The following SDK1 variants were observed in gnomAD, a reference collection of about 807,000 sequenced individuals.
SDK1 encodes sidekick cell adhesion molecule 1.
In SDK1, 157 loss-of-function variants were observed where a neutral mutation model predicts 245.5. The ratio of observed to expected loss-of-function variants is 0.64; its 90% CI spans 0.56 to 0.73. The LOEUF (loss-of-function observed/expected upper bound fraction) is 0.73, where lower values mean the gene tolerates loss of function less well. Among genes scored for constraint, SDK1 ranks in the 30% least tolerant of loss-of-function variants. SDK1 has a pLI of 0.00. For missense variants in SDK1, 3,583 were observed against 3,002.3 expected, an observed-to-expected ratio of 1.19 and a Z score of -4.52; for synonymous variants, 1,647 against 1,278.5, an observed-to-expected ratio of 1.29 and a Z score of -6.15.
chr7:4,137,494 A>C (rs1330755224), intron 28 of SDK1, among the ~76,000 whole-genome samples: 1 of 152,158 alleles, frequency 6.6e-6, no homozygotes, highest in Non-Finnish European at 1.5e-5. Flanking sequence ...CCCGTGGCGC[A>C]GTCCCTTTCT....
At chr7:4,075,294 G>T (rs1347235824) in intron 20 of SDK1, among the ~76,000 whole-genome samples, 1 of 152,140 alleles carries the variant, frequency 6.6e-6, no homozygotes, top group Non-Finnish European at 1.5e-5. Flanking sequence ...GGCTGTACGG[G>T]GCCTGTGGCA....
intron 17 of SDK1, among the ~76,000 whole-genome samples, chr7:4,039,502 A>G (rs1412245027): frequency 6.6e-6 from 1 of 152,206 alleles, no homozygotes; most frequent in Non-Finnish European, 1.5e-5. Flanking sequence ...AGAATGTTTC[A>G]AAATAAATCA....
chr7:3,616,534 G>C (rs574690280), intron 1 of SDK1, among the ~76,000 whole-genome samples: 1 of 152,238 alleles, frequency 6.6e-6, no homozygotes, highest in African/African-American at 2.4e-5. Context: ...CAACACTTTT[G>C]TTCTCAGCTC....
chr7:3,759,119 C>G (rs1237909877), intron 4 of SDK1, among the ~76,000 whole-genome samples: 1 of 152,180 alleles, frequency 6.6e-6, no homozygotes, highest in Non-Finnish European at 1.5e-5. Context: ...AATTTACCAA[C>G]CAAAATACAG....
chr7:3,677,318 T>A lies in SDK1; in HGVS notation c.713+35213T>A, dbSNP rs186475807. On this transcript the variant is annotated intron_variant, in intron 4 of 44. Coordinates refer to ENST00000404826, the MANE Select transcript of SDK1 (RefSeq NM_152744.4). ...TGTTAATATTGTTGTATTAGTCTGT[T>A]CTAACACTGCTAGTAAAGACATACC... Among the ~76,000 whole-genome samples, 3 of 152,342 alleles carry A rather than the reference T, an allele frequency of 2.0e-5. No individual in the cohort carries two copies. In the East Asian group the frequency reaches 5.8e-4, roughly 29 times the overall value.
chr7:3,523,023 TA>T (rs1782995867), intron 1 of SDK1, among the ~76,000 whole-genome samples: 1 of 33,866 alleles, frequency 3.0e-5, no homozygotes, highest in Admixed American at 3.8e-4. Context: ...TACAAAATCG[TA>T]AATTGGTAAA....
At chr7:4,051,169 GTATATATTATACA>G (rs1789444636) in intron 18 of SDK1, among the ~76,000 whole-genome samples, 1 of 135,436 alleles carries the variant, frequency 7.4e-6, no homozygotes, top group African/African-American at 2.8e-5. Context: ...TAGTATATAT[GTATATATTATACA>G]TTATATATGT....
At chr7:3,612,423 G>A (rs1266334549) in intron 1 of SDK1, among the ~76,000 whole-genome samples, 6 of 152,066 alleles carry the variant, frequency 3.9e-5, no homozygotes, top group Non-Finnish European at 8.8e-5. Flanking sequence ...TATGAAGAAA[G>A]CACATTGCAC....
chr7:3,820,107 A>G (rs369473258), intron 4 of SDK1, among the ~76,000 whole-genome samples: 1 of 152,160 alleles, frequency 6.6e-6, no homozygotes, highest in Non-Finnish European at 1.5e-5. Context: ...CTTACCTTCT[A>G]TGCCAAATTC....
intron 1 of SDK1, among the ~76,000 whole-genome samples, chr7:3,531,666 A>G (rs887697959): frequency 6.6e-6 from 1 of 152,174 alleles, no homozygotes; most frequent in Non-Finnish European, 1.5e-5. Flanking sequence ...AGTGTAGGTT[A>G]TTGATTCCAT....
chr7:3,437,953 C>G (rs543433438), intron 1 of SDK1, among the ~76,000 whole-genome samples: 1 of 152,220 alleles, frequency 6.6e-6, no homozygotes, highest in South Asian at 2.1e-4. Context: ...GTGTATGAGC[C>G]TTGGCAGTTT....
intron 1 of SDK1, among the ~76,000 whole-genome samples, chr7:3,607,772 A>G (rs1282877106): frequency 1.3e-5 from 2 of 152,202 alleles, no homozygotes; most frequent in African/African-American, 2.4e-5. Context: ...GGAAGATGCA[A>G]TTTCATTCTG....
chr7:3,614,391 A>G (rs140332938), intron 1 of SDK1, among the ~76,000 whole-genome samples: 14 of 152,310 alleles, frequency 9.2e-5, no homozygotes, highest in East Asian at 1.9e-4. Flanking sequence ...GGGAATGTCT[A>G]TTATTATTTG....
rs2128133026 is a variant in SDK1, at chr7:3,971,539, T to A, written c.1788T>A (p.Gly596=). 6.2e-7 allele frequency: 1 copy of A among 1,613,384 alleles called. No individual in the cohort carries two copies. Among genetic ancestry groups the A allele is most frequent in the South Asian group, 1.1e-5 (1 of 90,852 alleles). ...IKGTTATLHC[G]ATHDPRVSLR... is the part of the protein sequence containing the mutation. ...GGACCACGGCCACGCTGCACTGTGG[T>A]GCCACACATGACCCCCGGGTTTCAC... The change falls in exon 12 of 45, where the codon GGT becomes GGA. Residue 596 remains glycine (G), a synonymous_variant. Transcript: ENST00000404826.
chr7:3,808,722 C>G (rs534245538), intron 4 of SDK1, among the ~76,000 whole-genome samples: 4 of 152,284 alleles, frequency 2.6e-5, no homozygotes, highest in African/African-American at 9.6e-5. Flanking sequence ...TTTCCCTGTA[C>G]TTGTTTTCCA....
intron 3 of SDK1, 83 bp from the exon 4 acceptor site, chr7:3,641,875 A>T: frequency 8.7e-7 from 1 of 1,150,198 alleles, no homozygotes; most frequent in Non-Finnish European, 1.3e-6. Flanking sequence ...CTTTACTGTA[A>T]CACTTACCTG....
chr7:3,872,920 C>T (rs1780992172), intron 5 of SDK1, among the ~76,000 whole-genome samples: 1 of 152,096 alleles, frequency 6.6e-6, no homozygotes, highest in Admixed American at 6.6e-5. Flanking sequence ...TTTACTTTTA[C>T]ATACAGTATC....
chr7:3,770,691 G>A (rs1780383970), intron 4 of SDK1, among the ~76,000 whole-genome samples: 1 of 152,036 alleles, frequency 6.6e-6, no homozygotes, highest in African/African-American at 2.4e-5. Flanking sequence ...TGTCTAGTGG[G>A]GAAGGAACAT....
chr7:4,066,799 G>C (rs1779932448), intron 19 of SDK1, among the ~76,000 whole-genome samples: 1 of 152,238 alleles, frequency 6.6e-6, no homozygotes, highest in African/African-American at 2.4e-5. Flanking sequence ...TGTGGGCCCT[G>C]CTGTCCCTGA....
Sources: gnomAD v4.1 joint callset for allele counts (sites outside exome capture counted in the v4.1 genomes callset) on GRCh38, gnomAD v4.1.1 for gene constraint, MANE v1.5 for transcripts, NCBI Gene and HGNC (gene_info 2026-07-23, HGNC 2026-07-21) for gene names.